WWOX: variants seen among roughly 807,000 people sequenced by gnomAD.
The protein encoded by WWOX is WW domain containing oxidoreductase.
Under a neutral mutation model 46.2 loss-of-function variants are expected in WWOX, and 69 were observed. The observed-to-expected ratio is 1.49, with a 90% CI of 1.23 to 1.82. The LOEUF (loss-of-function observed/expected upper bound fraction) is 1.82, where lower values mean the gene tolerates loss of function less well. Ranked by LOEUF, WWOX falls within the 40% of genes most tolerant of loss-of-function variation. WWOX has a pLI of 0.00. For missense variants in WWOX, 919 were observed against 542.6 expected, an observed-to-expected ratio of 1.69 and a Z score of -6.89; for synonymous variants, 359 against 202.6, an observed-to-expected ratio of 1.77 and a Z score of -6.56.
chr16:78,126,824 G>A (rs2033382315), intron 4 of WWOX, among the ~76,000 whole-genome samples: 1 of 152,156 alleles, frequency 6.6e-6, no homozygotes, highest in Non-Finnish European at 1.5e-5. Flanking sequence ...GCTTTGCAAT[G>A]GTGGTGGAGT....
At chr16:78,868,611 A>T (rs1018592773) in intron 8 of WWOX, among the ~76,000 whole-genome samples, 5 of 152,296 alleles carry the variant, frequency 3.3e-5, no homozygotes, top group Admixed American at 6.5e-5. Flanking sequence ...ACATAGAAAG[A>T]TTTTCACCCA....
At chr16:78,894,876 T>C (rs951420669) in intron 8 of WWOX, among the ~76,000 whole-genome samples, 1 of 152,188 alleles carries the variant, frequency 6.6e-6, no homozygotes, top group Non-Finnish European at 1.5e-5. Context: ...GCACTGTGCA[T>C]AACTCAGTTC....
intron 8 of WWOX, among the ~76,000 whole-genome samples, chr16:78,859,044 ATATATG>A (rs1555551617): frequency 0.029 from 767 of 26,814 alleles, 16 homozygotes; most frequent in Non-Finnish European, 0.052. Flanking sequence ...ATATATATAT[ATATATG>A]TATATATATA....
rs869088414 is a variant in WWOX, at chr16:78,994,969, CTTTTTTTTT to C, written c.1057-216628_1057-216620del. 1.5e-3 allele frequency among the ~76,000 whole-genome samples: 168 copies of C among 114,626 alleles called. 2 individuals are homozygous for C. Among genetic ancestry groups the C allele is most frequent in the African/African-American group, 5.2e-3 (158 of 30,592 alleles). The allele number at this position is 114,626 out of a possible 152,430, so 75.2% of individuals were successfully genotyped here. The stretch of plus-strand genomic sequence containing the variant: ...TCTTTCTTTTCTTCTTCTTCTTCTT[CTTTTTTTTT>C]TTTTTTTTTTGTTTTTCCTCCCAGC... On this transcript the variant is annotated intron_variant, in intron 8 of 8. Transcript: ENST00000566780.
chr16:78,947,920 G>A (rs952988157), intron 8 of WWOX, among the ~76,000 whole-genome samples: 1 of 152,110 alleles, frequency 6.6e-6, no homozygotes, highest in Non-Finnish European at 1.5e-5. Flanking sequence ...ATTTAATTAT[G>A]TCATTGAAAA....
At chr16:78,229,359 A>G in intron 5 of WWOX, among the ~76,000 whole-genome samples, 1 of 151,114 alleles carries the variant, frequency 6.6e-6, no homozygotes. Context: ...AACTCTAGTT[A>G]AATATTTTCC....
intron 8 of WWOX, among the ~76,000 whole-genome samples, chr16:78,798,117 A>G (rs1002979441): frequency 2.0e-5 from 3 of 152,188 alleles, no homozygotes; most frequent in African/African-American, 7.2e-5. Context: ...TGCTCATGTT[A>G]TATAGGGAGC....
At chr16:78,534,967 C>T (rs1019643628) in intron 8 of WWOX, among the ~76,000 whole-genome samples, 8 of 152,146 alleles carry the variant, frequency 5.3e-5, no homozygotes, top group African/African-American at 1.9e-4. Context: ...TCGTCTCAGC[C>T]TCCCAAAGTG....
intron 5 of WWOX, among the ~76,000 whole-genome samples, chr16:78,307,240 G>A (rs1485241126): frequency 1.3e-5 from 2 of 152,164 alleles, no homozygotes; most frequent in Non-Finnish European, 2.9e-5. Context: ...CTAGCACAAT[G>A]CCAAGTGTCA....
At chr16:78,781,414 C>T (rs981395705) in intron 8 of WWOX, among the ~76,000 whole-genome samples, 1 of 152,186 alleles carries the variant, frequency 6.6e-6, no homozygotes, top group Non-Finnish European at 1.5e-5. Context: ...CCTCCCACCT[C>T]TAGCCCACCC....
rs139370318 is a variant in WWOX at position 78,912,895 on chromosome 16, A to G, written c.1057-298713A>G. ...CTTTAAAACACCATCAGCTTGGAAA[A>G]CACTATCCATTAGCAAGAGATCAGA... is the stretch of plus-strand genomic sequence containing the variant. On this transcript the variant is annotated intron_variant, in intron 8 of 8. Transcript: ENST00000566780. Among the ~76,000 whole-genome samples, 274 of 152,040 alleles carry G rather than the reference A, an allele frequency of 1.8e-3. 1 individual carries two copies. The highest frequency in any genetic ancestry group is 6.8e-3 in the Middle Eastern group (2 of 294).
At chr16:79,094,181 C>G (rs1025917278) in intron 8 of WWOX, among the ~76,000 whole-genome samples, 2 of 151,694 alleles carry the variant, frequency 1.3e-5, no homozygotes, top group African/African-American at 4.8e-5. Flanking sequence ...AAAAGTTCGT[C>G]GTGTGCCGAT....
intron 1 of WWOX, among the ~76,000 whole-genome samples, chr16:78,101,264 G>C (rs892383882): frequency 1.3e-5 from 2 of 149,370 alleles, no homozygotes; most frequent in Non-Finnish European, 3.0e-5. Flanking sequence ...AGCCAGGATG[G>C]TCTCGATCTC....
chr16:78,588,927 T>G (rs916880248), intron 8 of WWOX, among the ~76,000 whole-genome samples: 2 of 152,158 alleles, frequency 1.3e-5, no homozygotes, highest in African/African-American at 4.8e-5. Context: ...GAAGTGGCAG[T>G]TCCCTCCTTT....
chr16:78,369,538 C>T (rs377349634), intron 5 of WWOX, among the ~76,000 whole-genome samples: 10 of 152,262 alleles, frequency 6.6e-5, no homozygotes, highest in Admixed American at 3.3e-4. Flanking sequence ...ACTCGGCCTG[C>T]GCTGGCCACA....
At chr16:78,579,252 T>A (rs2044985128) in intron 8 of WWOX, among the ~76,000 whole-genome samples, 1 of 152,160 alleles carries the variant, frequency 6.6e-6, no homozygotes, top group Non-Finnish European at 1.5e-5. Context: ...TACGTCACAG[T>A]TTCGTCAAGG....
At chr16:79,205,257 A>ACT in intron 8 of WWOX, 1 of 151,662 alleles carries the variant, frequency 6.6e-6, no homozygotes, top group Non-Finnish European at 1.5e-5. Flanking sequence ...CTGGCACTTT[A>ACT]CTCTCTCTGA....
At chr16:79,139,389 C>T (rs919172903) in intron 8 of WWOX, among the ~76,000 whole-genome samples, 2 of 152,132 alleles carry the variant, frequency 1.3e-5, no homozygotes, top group African/African-American at 4.8e-5. Flanking sequence ...CTTAAACTGC[C>T]AAGTGAATTA....
chr16:78,403,272 G>C (rs1399354391), intron 6 of WWOX, among the ~76,000 whole-genome samples: 1 of 152,148 alleles, frequency 6.6e-6, no homozygotes, highest in East Asian at 1.9e-4. Flanking sequence ...CCCACTCCCT[G>C]CATTAAAACT....
Sources: gnomAD v4.1 joint callset for allele counts (sites outside exome capture counted in the v4.1 genomes callset) on GRCh38, gnomAD v4.1.1 for gene constraint, MANE v1.5 for transcripts, NCBI Gene and HGNC (gene_info 2026-07-23, HGNC 2026-07-21) for gene names.